Variants in MBNL1 observed in about 807,000 individuals in gnomAD.
MBNL1 encodes the protein muscleblind like splicing regulator 1.
MBNL1 carries 8 observed loss-of-function variants against 42.2 expected under a neutral mutation model. The ratio of observed to expected loss-of-function variants is 0.19; its 90% CI spans 0.11 to 0.34. MBNL1 has a LOEUF of 0.34. MBNL1 is among the 10% of genes least tolerant of loss of function. MBNL1 has a pLI of 1.00. For missense variants in MBNL1, 309 were observed against 495.3 expected (o/e 0.62, Z 3.57); for synonymous variants, 169 against 173.9 (o/e 0.97, Z 0.22).
intron 3 of MBNL1, among the ~76,000 whole-genome samples, chr3:152,419,308 C>G (rs112093400): frequency 9.4e-4 from 143 of 152,194 alleles, no homozygotes; most frequent in African/African-American, 3.3e-3. Context: ...AGGAGCAACT[C>G]CAGTCTGCAG....
At chr3:152,331,569 T>A (rs780520794) in intron 2 of MBNL1, among the ~76,000 whole-genome samples, 1 of 152,162 alleles carries the variant, frequency 6.6e-6, no homozygotes, top group Non-Finnish European at 1.5e-5. Flanking sequence ...TTTATGCTTA[T>A]TAATTCATTT....
intron 1 of MBNL1, among the ~76,000 whole-genome samples, chr3:152,289,302 C>A (rs1440391877): frequency 1.3e-5 from 2 of 151,912 alleles, no homozygotes; most frequent in Non-Finnish European, 2.9e-5. Flanking sequence ...TTATATTGAT[C>A]TGTTTCTATT....
At chr3:152,446,747 C>A in intron 5 of MBNL1, 1 of 1,613,802 alleles carries the variant, frequency 6.2e-7, no homozygotes, top group Non-Finnish European at 8.5e-7. Flanking sequence ...CTCGAGGCAA[C>A]CTTTGACCTG....
intron 2 of MBNL1, among the ~76,000 whole-genome samples, chr3:152,314,033 A>G (rs1205323772): frequency 6.6e-6 from 1 of 152,238 alleles, no homozygotes; most frequent in African/African-American, 2.4e-5. Context: ...TTCATACTTG[A>G]TATTTCAAAT....
intron 2 of MBNL1, chr3:152,301,795 A>G (rs992113899): frequency 6.6e-6 from 1 of 152,098 alleles, no homozygotes; most frequent in Admixed American, 6.6e-5. Context: ...TTCAGGTGTA[A>G]TTAGAGACTG....
intron 2 of MBNL1, among the ~76,000 whole-genome samples, chr3:152,369,915 G>T (rs533581739): frequency 1.3e-5 from 2 of 151,898 alleles, no homozygotes; most frequent in South Asian, 4.2e-4. Flanking sequence ...TTCTTCGTTA[G>T]TCTGGCTAGT....
At chr3:152,433,011 G>A in intron 4 of MBNL1, 91 bp downstream of exon 4, 2 of 1,236,716 alleles carry the variant, frequency 1.6e-6, no homozygotes, top group Non-Finnish European at 2.3e-6. Flanking sequence ...TGGCCAAAAA[G>A]TTGTAAAAAT....
chr3:152,432,732 G>A lies in MBNL1; in HGVS notation c.361G>A (p.Ala121Thr), dbSNP rs1045426835. 1 of 1,614,106 alleles carries A rather than the reference G, an allele frequency of 6.2e-7. No homozygotes were observed. Among genetic ancestry groups the A allele is most frequent in the Non-Finnish European group, 8.5e-7 (1 of 1,179,998 alleles). The change falls in exon 4 of 10, where the codon GCA becomes ACA. Residue 121 changes from alanine (A) to threonine (T), a missense_variant. By Grantham distance (58) the Ala-to-Thr change is moderately conservative. Coordinates refer to ENST00000324210, the MANE Select transcript of MBNL1 (RefSeq NM_021038.5). ...TATTTTTCAGCCAATGTTTTCAGTT[G>A]CACCAAGCTTAGCCACCAATGCATC... ...PLQPVPMFSV[A>T]PSLATNASAA...
intron 2 of MBNL1, among the ~76,000 whole-genome samples, chr3:152,390,941 C>T (rs2097690911): frequency 2.0e-5 from 3 of 152,184 alleles, no homozygotes; most frequent in Admixed American, 6.5e-5. Flanking sequence ...GACTAGAAAA[C>T]TTTCATTTAA....
intron 6 of MBNL1, chr3:152,449,122 C>T (rs1480082363): frequency 6.6e-6 from 1 of 152,140 alleles, no homozygotes; most frequent in Non-Finnish European, 1.5e-5. Context: ...TCGCTGCCCC[C>T]AACAAACAAT....
chr3:152,279,734 A>C (rs551540235), intron 1 of MBNL1, among the ~76,000 whole-genome samples: 201 of 152,306 alleles, frequency 1.3e-3, no homozygotes, highest in African/African-American at 4.3e-3. Flanking sequence ...AAGTTTGAAG[A>C]TAATGTACTT....
intron 4 of MBNL1, among the ~76,000 whole-genome samples, chr3:152,441,816 A>G (rs1487364866): frequency 1.3e-5 from 2 of 152,178 alleles, no homozygotes; most frequent in South Asian, 2.1e-4. Flanking sequence ...CTTTTGTGAC[A>G]GAGTCTTGCT....
intron 2 of MBNL1, among the ~76,000 whole-genome samples, chr3:152,375,372 C>G (rs780130701): frequency 1.1e-4 from 16 of 152,138 alleles, no homozygotes; most frequent in Non-Finnish European, 2.2e-4. Context: ...TAGATAAACA[C>G]CACTGATTAC....
intron 1 of MBNL1, among the ~76,000 whole-genome samples, chr3:152,291,368 C>T (rs375965780): frequency 4.5e-4 from 69 of 152,072 alleles, no homozygotes; most frequent in African/African-American, 1.6e-3. Context: ...TATCTTTCTT[C>T]AACTTCATAA....
chr3:152,255,907 G>A (rs1350664639), intron 2 of MBNL1, among the ~76,000 whole-genome samples: 1 of 152,174 alleles, frequency 6.6e-6, no homozygotes, highest in Non-Finnish European at 1.5e-5. Context: ...GCCAGAATGA[G>A]CTTGGCATAT....
intron 2 of MBNL1, among the ~76,000 whole-genome samples, chr3:152,258,796 G>T (rs949017767): frequency 2.0e-5 from 3 of 152,144 alleles, no homozygotes; most frequent in African/African-American, 7.2e-5. Context: ...GCCACATATC[G>T]TCTAAGCATA....
At chr3:152,394,953 G>C (rs773405869) in intron 2 of MBNL1, among the ~76,000 whole-genome samples, 24 of 152,268 alleles carry the variant, frequency 1.6e-4, no homozygotes, top group Non-Finnish European at 3.2e-4. Context: ...CCACCTCCCA[G>C]GTTCAAGCGA....
intron 3 of MBNL1, among the ~76,000 whole-genome samples, chr3:152,424,297 A>C (rs1288727583): frequency 6.6e-6 from 1 of 152,214 alleles, no homozygotes; most frequent in African/African-American, 2.4e-5. Flanking sequence ...ACAGAGAGCC[A>C]AATCATGAGT....
At chr3:152,265,490 GAAGT>G (rs765394987), upstream of MBNL1, 1 of 151,728 alleles carries the variant, frequency 6.6e-6, no homozygotes, top group Non-Finnish European at 1.5e-5. Flanking sequence ...GTATGCAGAA[GAAGT>G]AAGTCACAAT....
Sources: gnomAD v4.1 joint callset for allele counts (sites outside exome capture counted in the v4.1 genomes callset) on GRCh38, gnomAD v4.1.1 for gene constraint, MANE v1.5 for transcripts, NCBI Gene and HGNC (gene_info 2026-07-23, HGNC 2026-07-21) for gene names.